ZBTB16: variants seen among roughly 807,000 people sequenced by gnomAD.
ZBTB16 encodes the protein zinc finger and BTB domain containing 16, also known as zinc finger and BTB domain-containing protein 16.
ZBTB16 carries 8 observed loss-of-function variants against 56.8 expected under a neutral mutation model. The observed-to-expected ratio is 0.14, with a 90% CI of 0.08 to 0.25. The LOEUF is 0.25. Ranked by LOEUF, ZBTB16 falls within the 10% of genes least tolerant of loss-of-function variation. The pLI, the probability that ZBTB16 is intolerant of heterozygous loss-of-function variation, is 1.00. For synonymous variants in ZBTB16, 363 were observed against 368.5 expected (o/e 0.98, Z 0.17); for missense variants, 625 against 903.0 (o/e 0.69, Z 3.95).
At chr11:114,188,610 G>T (rs1436844481) in intron 4 of ZBTB16, 2 of 152,148 alleles carry the variant, frequency 1.3e-5, no homozygotes, top group African/African-American at 4.8e-5. Flanking sequence ...TAATGTAATA[G>T]ATATTTATTG....
At chr11:114,243,698 G>C (rs758726622) in intron 5 of ZBTB16, among the ~76,000 whole-genome samples, 5 of 152,160 alleles carry the variant, frequency 3.3e-5, no homozygotes, top group African/African-American at 4.8e-5. Flanking sequence ...TCCTATGAAC[G>C]CCTCCCTCAA....
chr11:114,111,207 C>T (rs1385808793), intron 2 of ZBTB16, among the ~76,000 whole-genome samples: 1 of 150,286 alleles, frequency 6.7e-6, no homozygotes, highest in East Asian at 1.9e-4. Context: ...TTGGCTGGAT[C>T]AAGAAAAATT....
At chr11:114,112,364 A>G (rs983656064) in intron 2 of ZBTB16, among the ~76,000 whole-genome samples, 2 of 152,200 alleles carry the variant, frequency 1.3e-5, no homozygotes. Flanking sequence ...TCTGATGGTC[A>G]TATTTTATAA....
intron 1 of ZBTB16, chr11:114,061,222 C>G (rs1034624646): frequency 2.0e-5 from 3 of 152,138 alleles, no homozygotes; most frequent in Non-Finnish European, 4.4e-5. Flanking sequence ...CGCCGCCTGG[C>G]TGGACGCTGC....
chr11:114,059,892 G>T lies in ZBTB16; in HGVS notation c.-91+10G>T. 2.5e-6 allele frequency: 1 copy of T among 397,456 alleles called. No individual in the cohort carries two copies. Among genetic ancestry groups the T allele is most frequent in the Non-Finnish European group, 4.4e-6 (1 of 225,442 alleles). The allele number at this position is 397,456 out of a possible 1,614,324, so 24.6% of individuals were successfully genotyped here. ...GCCCGGCTCGGCTGCGGTGAGTGAG[G>T]GGCCGGGAAGAGGCGCACCGCCCAG... On this transcript the variant is annotated intron_variant, in intron 1 of 6. Coordinates refer to ENST00000335953, the MANE Select transcript of ZBTB16 (RefSeq NM_006006.6). This position sits in a 1 kb window ranked among gnomAD's most constrained non-coding sequence, Gnocchi z 5.3.
At chr11:114,235,629 C>CTTTCTTTCTTT (rs1944551537) in intron 4 of ZBTB16, among the ~76,000 whole-genome samples, 20 of 97,846 alleles carry the variant, frequency 2.0e-4, no homozygotes, top group Admixed American at 3.2e-4. Context: ...CCTCTCCCTT[C>CTTTCTTTCTTT]CTTTCTTTCT....
intron 2 of ZBTB16, among the ~76,000 whole-genome samples, chr11:114,077,376 A>G (rs1241544656): frequency 1.3e-5 from 2 of 151,598 alleles, no homozygotes; most frequent in African/African-American, 4.9e-5. Flanking sequence ...ACCCCAGGCC[A>G]CCTCCCGCCT....
intron 2 of ZBTB16, among the ~76,000 whole-genome samples, chr11:114,140,627 T>C (rs1279538718): frequency 6.6e-6 from 1 of 152,168 alleles, no homozygotes; most frequent in African/African-American, 2.4e-5. Flanking sequence ...GCATGTTTAG[T>C]TGGTTGGAGG....
chr11:114,158,922 T>C (rs1203873490), intron 3 of ZBTB16, among the ~76,000 whole-genome samples: 2 of 152,316 alleles, frequency 1.3e-5, no homozygotes, highest in East Asian at 1.9e-4. Flanking sequence ...GTCCCTCCTG[T>C]GGTAGGAACT....
At chr11:114,120,659 C>A (rs1941316618) in intron 2 of ZBTB16, among the ~76,000 whole-genome samples, 1 of 152,238 alleles carries the variant, frequency 6.6e-6, no homozygotes, top group Non-Finnish European at 1.5e-5. Context: ...CCCTCCCGCA[C>A]ACTTTCTCTG....
At chr11:114,088,140 CTTT>C (rs10695166) in intron 2 of ZBTB16, among the ~76,000 whole-genome samples, 4 of 123,076 alleles carry the variant, frequency 3.3e-5, no homozygotes, top group African/African-American at 6.2e-5. Context: ...CCAGATACTT[CTTT>C]TTTTTTTTTT....
chr11:114,206,626 G>A (rs1943880858), intron 4 of ZBTB16, among the ~76,000 whole-genome samples: 5 of 152,232 alleles, frequency 3.3e-5, no homozygotes, highest in Admixed American at 3.3e-4. Flanking sequence ...TAGCTGTGCT[G>A]TTCTAAGCAT....
intron 2 of ZBTB16, among the ~76,000 whole-genome samples, chr11:114,087,122 C>A (rs1456943263): frequency 2.6e-5 from 4 of 152,168 alleles, no homozygotes; most frequent in African/African-American, 9.7e-5. Flanking sequence ...GAGTCTGTTT[C>A]ATCATCTGCA....
At chr11:114,139,135 G>A in intron 2 of ZBTB16, among the ~76,000 whole-genome samples, 1 of 152,228 alleles carries the variant, frequency 6.6e-6, no homozygotes, top group East Asian at 1.9e-4. Flanking sequence ...TACAATGCAA[G>A]TCTTGAGATG....
At chr11:114,174,375 T>G (rs914442160) in intron 3 of ZBTB16, among the ~76,000 whole-genome samples, 8 of 152,090 alleles carry the variant, frequency 5.3e-5, no homozygotes, top group African/African-American at 1.9e-4. Context: ...ACTAAGCTTT[T>G]TAAACTTCAG....
rs1474248807 is a variant in ZBTB16, at chr11:114,255,742, AAAG to A, written c.*5190_*5192del. On this transcript the variant is annotated 3_prime_UTR_variant, in exon 7 of 7. Transcript: ENST00000335953. ...TTAAAAAAAAAAAAAAAGGAAAAAAAAAGAAAAAATGAATTTACTGCTGCAGGT... is the reference window on the plus strand; with the variant it reads ...TTAAAAAAAAAAAAAAAGGAAAAAAAAAAAAATGAATTTACTGCTGCAGGT... Among the ~76,000 whole-genome samples the A allele has an allele frequency of 2.2e-4, 33 of 151,886 alleles. No individual in the cohort carries two copies. The highest frequency in any genetic ancestry group is 2.0e-4 in the Admixed American group (3 of 15,250).
intron 4 of ZBTB16, among the ~76,000 whole-genome samples, chr11:114,241,920 G>A (rs1036593620): frequency 6.6e-6 from 1 of 152,216 alleles, no homozygotes; most frequent in East Asian, 1.9e-4. Flanking sequence ...TTGCTGCTGC[G>A]ATGTATTTGA....
chr11:114,131,915 T>C (rs962478393), intron 2 of ZBTB16, among the ~76,000 whole-genome samples: 1 of 152,174 alleles, frequency 6.6e-6, no homozygotes, highest in Non-Finnish European at 1.5e-5. Flanking sequence ...TTTTGCATGC[T>C]CTGTATCTTT....
In ZBTB16 at chr11:114,242,151, C is replaced by T. The variant is rs1230865812; in HGVS notation, c.1454-16C>T. On this transcript the variant is annotated splice_polypyrimidine_tract_variant and intron_variant, in intron 4 of 6. Transcript: ENST00000335953. ...TTCCCACCTTTCTGAGGCACCCCCT[C>T]TCCTGTCTCCCACAGGCACTGACAT... is the stretch of plus-strand genomic sequence containing the variant. 6.2e-7 allele frequency: 1 copy of T among 1,613,518 alleles called. No individual in the cohort carries two copies. Among genetic ancestry groups the T allele is most frequent in the Non-Finnish European group, 8.5e-7 (1 of 1,179,862 alleles).
Sources: allele counts gnomAD v4.1 joint callset (sites outside exome capture counted in the v4.1 genomes callset), GRCh38; gene constraint gnomAD v4.1.1; non-coding constraint Gnocchi (gnomAD v3.1); transcripts MANE v1.5; gene names NCBI Gene and HGNC (gene_info 2026-07-23, HGNC 2026-07-21).